The following MINK1 variants were observed in gnomAD, a reference collection of about 807,000 sequenced individuals.
MINK1 encodes misshapen like kinase 1, also known as misshapen-like kinase 1.
In MINK1, 46 loss-of-function variants were observed where a neutral mutation model predicts 178.4. The observed-to-expected ratio is 0.26, with a 90% confidence interval of 0.20 to 0.33. MINK1 has a LOEUF of 0.33. Ranked by LOEUF, MINK1 falls within the 10% of genes least tolerant of loss-of-function variation. The pLI is 1.00. For missense variants in MINK1, 1,366 were observed against 1,814.9 expected (o/e 0.75, Z 4.49); for synonymous variants, 797 against 709.7 (o/e 1.12, Z -1.96).
At chr17:4,893,163 C>T in intron 20 of MINK1, 96 bp downstream of exon 20, 1 of 1,510,986 alleles carries the variant, frequency 6.6e-7, no homozygotes, top group Non-Finnish European at 9.0e-7. Flanking sequence ...CGCTGATCTA[C>T]CGAGAAGGGC....
Position 4,886,275 on chromosome 17 carries a change from T to C in MINK1, c.773+77T>C. 1 of 1,561,138 alleles carries C rather than the reference T, an allele frequency of 6.4e-7. No homozygotes were observed. Among genetic ancestry groups the C allele is most frequent in the South Asian group, 1.1e-5 (1 of 89,988 alleles). On this transcript the variant is annotated intron_variant, in intron 9 of 31. Transcript: ENST00000355280. The surrounding 1 kb of genome is among the most constrained non-coding windows in gnomAD (Gnocchi z 6.1). ...ATCCCCACCTTCATGCCCTCTGTGC[T>C]CAGGCTTGGATCTCACCAGAGAAGA...
chr17:4,890,922 G>C lies in MINK1; in HGVS notation c.1567-29G>C. On this transcript the variant is annotated intron_variant, in intron 14 of 31. Transcript: ENST00000355280. ...TTTTGAGAACAGGGAGGCAAGAGCTGGCCTGCTTGACATCCCTTCACATCA... is the reference window on the plus strand; with the variant it reads ...TTTTGAGAACAGGGAGGCAAGAGCTCGCCTGCTTGACATCCCTTCACATCA... 1.9e-6 allele frequency: 3 copies of C among 1,551,940 alleles called. 1 individual carries two copies. In the South Asian group the frequency reaches 3.6e-5, roughly 18 times the overall value.
In MINK1 at chr17:4,896,867, G is replaced by A. The variant is rs776695984; in HGVS notation, c.3915+54G>A. On this transcript the variant is annotated intron_variant, in intron 31 of 31. Transcript: ENST00000355280. The surrounding 1 kb of genome is among the most constrained non-coding windows in gnomAD (Gnocchi z 4.6). ...TGCTGTCCCGGCTGCCATGACCCTA[G>A]GCCCCTGGGCAGAGTTCTGGGGAGA... 6 of 1,512,772 alleles carry A rather than the reference G, an allele frequency of 4.0e-6. No homozygotes were observed. The highest frequency in any genetic ancestry group is 1.4e-5 in the African/African-American group (1 of 71,396). The allele number at this position is 1,512,772 out of a possible 1,614,324, so 93.7% of individuals were successfully genotyped here. A position where few individuals can be genotyped will look rare whatever the true frequency, so the allele number is the denominator to read the frequency against.
In MINK1 at chr17:4,896,905, T is replaced by G; in HGVS notation, c.3915+92T>G. On this transcript the variant is annotated intron_variant, in intron 31 of 31. Transcript: ENST00000355280. This position sits in a 1 kb window ranked among gnomAD's most constrained non-coding sequence, Gnocchi z 4.6. ...AGTTCTGGGGAGAGGATGGTGGTGG[T>G]GGCTTCCTGAAAGCGGGCCCCTCTG... is the stretch of plus-strand genomic sequence containing the variant. The G allele has an allele frequency of 6.8e-7, 1 of 1,460,994 alleles. No homozygotes were observed. The highest frequency in any genetic ancestry group is 9.1e-7 in the Non-Finnish European group (1 of 1,103,128). 90.5% of individuals were successfully genotyped at this position (1,460,994 alleles called of 1,614,324 possible). A position where few individuals can be genotyped will look rare whatever the true frequency, so the allele number is the denominator to read the frequency against.
intron 1 of MINK1, among the ~76,000 whole-genome samples, chr17:4,840,449 A>T (rs1910038219): frequency 6.6e-6 from 1 of 152,100 alleles, no homozygotes; most frequent in African/African-American, 2.4e-5. Context: ...AGAGCTTATG[A>T]CTCATATAAT....
intron 1 of MINK1, among the ~76,000 whole-genome samples, chr17:4,853,427 G>T (rs1254280387): frequency 8.5e-6 from 1 of 117,222 alleles, no homozygotes; most frequent in Non-Finnish European, 1.8e-5. Flanking sequence ...GTGTGGTTGA[G>T]GGGGAGTGTG....
At chr17:4,871,534 A>G (rs998792430) in intron 1 of MINK1, among the ~76,000 whole-genome samples, 8 of 152,084 alleles carry the variant, frequency 5.3e-5, no homozygotes, top group Non-Finnish European at 8.8e-5. Context: ...TATTGCCAAT[A>G]TCATTCTATT....
At chr17:4,839,467 C>T (rs1909851920) in intron 1 of MINK1, among the ~76,000 whole-genome samples, 1 of 152,170 alleles carries the variant, frequency 6.6e-6, no homozygotes, top group African/African-American at 2.4e-5. Context: ...CAAAAGTGAT[C>T]AGGTTAATAA....
rs778556030 is a variant in MINK1 at position 4,890,605 on chromosome 17, TGCAGCAGCAGCAACA to T, written c.1448_1462del (p.Gln483_Gln487del). ...CAGGAGCATGCCTACCTCAAGTCCC[TGCAGCAGCAGCAACA>T]GCAGCAGCAGCTTCAGAAACAGCAG... is the stretch of plus-strand genomic sequence containing the variant. On this transcript the variant is annotated inframe_deletion, in exon 14 of 32. Transcript: ENST00000355280. The T allele has an allele frequency of 1.2e-5, 18 of 1,563,852 alleles. 1 individual carries two copies. Among genetic ancestry groups the T allele is most frequent in the South Asian group, 1.1e-4 (9 of 84,854 alleles).
At position 4,884,941 on chromosome 17, in the gene MINK1, G is replaced by C; in HGVS notation, c.447G>C (p.Val149=). Residue 149 remains valine, a synonymous_variant, in exon 6 of 32, where the codon GTG becomes GTC. Transcript: ENST00000355280. ...TGGCCCATCTCCATGCCCACAAGGT[G>C]ATCCATCGAGACATCAAGGGGCAGA... ...RGLAHLHAHK[V]IHRDIKGQNV... is the part of the protein sequence containing the mutation. The C allele has an allele frequency of 6.2e-7, 1 of 1,613,940 alleles. No homozygotes were observed. Among genetic ancestry groups the C allele is most frequent in the Non-Finnish European group, 8.5e-7 (1 of 1,179,882 alleles).
rs533087986 is a variant in MINK1 at position 4,845,206 on chromosome 17, A to G, written c.57+11566A>G. 1.4e-4 allele frequency among the ~76,000 whole-genome samples: 22 copies of G among 152,316 alleles called. 1 individual carries two copies. The South Asian group carries it at 4.4e-3, about 30-fold the overall frequency. Reference sequence around the variant, plus strand: ...ACCCCCCTCCCAGCTCTAATGCAAGATGACAGGCTTCTGAAAGGGATTTTA... The same window carrying G: ...ACCCCCCTCCCAGCTCTAATGCAAGGTGACAGGCTTCTGAAAGGGATTTTA... On this transcript the variant is annotated intron_variant, in intron 1 of 31. Transcript: ENST00000355280.
Position 4,895,798 on chromosome 17 carries a change from G to A in MINK1, c.3330G>A (p.Val1110=), listed in dbSNP as rs750172781. 3.7e-6 allele frequency: 6 copies of A among 1,613,782 alleles called. No individual in the cohort carries two copies. In the South Asian group the frequency reaches 5.5e-5, roughly 15 times the overall value. ...AGAAGAAGCAGGGCTGGACCACCGT[G>A]GGGGACATGGAGGGCTGCGGGCACT... ...EVEKKQGWTT[V]GDMEGCGHYR... The change falls in exon 27 of 32, where the codon GTG becomes GTA. Residue 1110 remains valine (V), a synonymous_variant. Coordinates refer to ENST00000355280, the MANE Select transcript of MINK1 (RefSeq NM_153827.5). The surrounding 1 kb of genome is among the most constrained non-coding windows in gnomAD (Gnocchi z 4.3).
chr17:4,889,675 A>G lies in MINK1; in HGVS notation c.1259A>G (p.Lys420Arg), dbSNP rs1206695488. ...CAGCGGCGGGAGCGGGAGCAGCGGAAGCTGCAGGAGAAGGAGCAGCAGCGG... is the reference window on the plus strand; with the variant it reads ...CAGCGGCGGGAGCGGGAGCAGCGGAGGCTGCAGGAGAAGGAGCAGCAGCGG... ...EQQRREREQRKLQEKEQQRRL... is the reference protein window; with the variant it reads ...EQQRREREQRRLQEKEQQRRL... The change falls in exon 13 of 32, where the codon AAG becomes AGG. Residue 420 changes from lysine (K) to arginine (R), a missense_variant. Coordinates refer to ENST00000355280, the MANE Select transcript of MINK1 (RefSeq NM_153827.5). The G allele has an allele frequency of 6.4e-6, 10 of 1,563,422 alleles. No homozygotes were observed. Among genetic ancestry groups the G allele is most frequent in the Non-Finnish European group, 8.7e-6 (10 of 1,155,734 alleles).
chr17:4,887,857 G>A lies in MINK1; in HGVS notation c.1230+67G>A. On this transcript the variant is annotated intron_variant, in intron 12 of 31. Transcript: ENST00000355280. The surrounding 1 kb of genome is among the most constrained non-coding windows in gnomAD (Gnocchi z 7.6). Reference sequence around the variant, plus strand: ...CCTGACCTGCCCCGGGTCCATTAGGGCCTTGGAGAACAGGTTTTAAAATGC... The same window carrying A: ...CCTGACCTGCCCCGGGTCCATTAGGACCTTGGAGAACAGGTTTTAAAATGC... The A allele has an allele frequency of 7.7e-7, 1 of 1,300,186 alleles. No homozygotes were observed. The highest frequency in any genetic ancestry group is 1.7e-5 in the South Asian group (1 of 58,468). 80.5% of individuals were successfully genotyped at this position (1,300,186 alleles called of 1,614,324 possible). A position where few individuals can be genotyped will look rare whatever the true frequency, so the allele number is the denominator to read the frequency against.
At position 4,839,215 on chromosome 17, in the gene MINK1, T is replaced by C. The variant is rs369830722; in HGVS notation, c.57+5575T>C. Among the ~76,000 whole-genome samples the C allele has an allele frequency of 9.8e-5, 15 of 152,304 alleles. No individual in the cohort carries two copies. The East Asian group carries it at 2.5e-3, about 25-fold the overall frequency. On this transcript the variant is annotated intron_variant, in intron 1 of 31. Transcript: ENST00000355280. ...GCCTCAGCCTCCCAAAGTGCTGGGA[T>C]TACAGGCGCGAGCCACCGTGCCCGG...
At chr17:4,842,396 G>A (rs1910390341) in intron 1 of MINK1, among the ~76,000 whole-genome samples, 1 of 152,168 alleles carries the variant, frequency 6.6e-6, no homozygotes, top group Non-Finnish European at 1.5e-5. Flanking sequence ...CCCGGGGAGG[G>A]ACTGGACAGG....
At chr17:4,857,870 A>G (rs1913458463) in intron 1 of MINK1, among the ~76,000 whole-genome samples, 1 of 152,096 alleles carries the variant, frequency 6.6e-6, no homozygotes, top group African/African-American at 2.4e-5. Context: ...AAGGGTGCCT[A>G]AGACACCACC....
chr17:4,894,264 G>A lies in MINK1; in HGVS notation c.2761G>A (p.Glu921Lys), dbSNP rs780057699. ...DVVQPSHSPT[E>K]NSKGQSPPSK... ...GGTCCAGCCCAGCCACTCACCCACC[G>A]AGAACAGCAAAGGCCAAAGCCCACC... Residue 921 changes from glutamate to lysine, a missense_variant, in exon 23 of 32, where the codon GAG becomes AAG. Around this residue, in one of 14 missense-constraint regions of MINK1, gnomAD observed 709 missense variants for 692.3 expected, o/e 1.02. Transcript: ENST00000355280. The surrounding 1 kb of genome is among the most constrained non-coding windows in gnomAD (Gnocchi z 4.1). 1.1e-5 allele frequency: 18 copies of A among 1,613,104 alleles called. No individual in the cohort carries two copies. The highest frequency in any genetic ancestry group is 4.0e-5 in the African/African-American group (3 of 74,910).
At chr17:4,889,612 G>A (rs1968565305) in intron 12 of MINK1, 35 bp from the exon 13 acceptor site, 4 of 1,532,486 alleles carry the variant, frequency 2.6e-6, no homozygotes, top group Middle Eastern at 1.8e-4. Context: ...GCGATGTCCG[G>A]TATGGTTCTT....
Sources: allele counts gnomAD v4.1 joint callset (sites outside exome capture counted in the v4.1 genomes callset), GRCh38; gene constraint gnomAD v4.1.1; regional missense constraint gnomAD v4.1.1; non-coding constraint Gnocchi (gnomAD v3.1); transcripts MANE v1.5; gene names NCBI Gene and HGNC (gene_info 2026-07-23, HGNC 2026-07-21).